The following MPZL1 variants were observed in gnomAD, a reference collection of about 807,000 sequenced individuals.
MPZL1 encodes myelin protein zero like 1.
MPZL1 carries 16 observed loss-of-function variants against 29.3 expected under a neutral mutation model. That is an observed-to-expected ratio of 0.55 (90% CI 0.37 to 0.83). The LOEUF (loss-of-function observed/expected upper bound fraction) is 0.83. MPZL1 is among the 40% of genes least tolerant of loss of function. The pLI is 0.00. For missense variants in MPZL1, 279 were observed against 332.9 expected (o/e 0.84, Z 1.26); for synonymous variants, 143 against 132.0 (o/e 1.08, Z -0.57).
chr1:167,725,155 C>T (rs1405811562), intron 1 of MPZL1, among the ~76,000 whole-genome samples: 1 of 152,216 alleles, frequency 6.6e-6, no homozygotes, highest in East Asian at 1.9e-4. Context: ...CTGTCCTTCA[C>T]ATCCAATCAG....
intron 4 of MPZL1, chr1:167,773,643 A>G (rs769309056): frequency 7.7e-5 from 21 of 272,580 alleles, no homozygotes; most frequent in Non-Finnish European, 1.4e-4. Context: ...GTGTTTCAAT[A>G]CCATCCACTA....
At chr1:167,747,425 A>C (rs113588451) in intron 1 of MPZL1, among the ~76,000 whole-genome samples, 1 of 152,212 alleles carries the variant, frequency 6.6e-6, no homozygotes, top group African/African-American at 2.4e-5. Flanking sequence ...GGGTCTCACT[A>C]TGTTGCCCAG....
At chr1:167,752,981 C>T (rs997562204) in intron 1 of MPZL1, among the ~76,000 whole-genome samples, 11 of 152,096 alleles carry the variant, frequency 7.2e-5, no homozygotes, top group South Asian at 2.1e-4. Flanking sequence ...TTCCATGGCT[C>T]AAGGAGTTGT....
rs1571124983 is a variant in MPZL1 at position 167,722,200 on chromosome 1, C to T, written c.49C>T (p.Arg17Trp). 1 of 1,238,738 alleles carries T rather than the reference C, an allele frequency of 8.1e-7. No individual in the cohort carries two copies. The highest frequency in any genetic ancestry group is 3.2e-5 in the East Asian group (1 of 31,640). 76.7% of individuals were successfully genotyped at this position (1,238,738 alleles called of 1,614,324 possible). A position where few individuals can be genotyped will look rare whatever the true frequency, so the allele number is the denominator to read the frequency against. ...AGAVIAAPDS[R>W]RWLWSVLAAA... ...GGCGGTGATTGCAGCCCCAGACAGCCGGCGCTGGCTGTGGTCGGTGCTGGC... is the reference window on the plus strand; with the variant it reads ...GGCGGTGATTGCAGCCCCAGACAGCTGGCGCTGGCTGTGGTCGGTGCTGGC... The change falls in exon 1 of 6, where the codon CGG (arginine) becomes TGG (tryptophan). Residue 17 changes from arginine to tryptophan, a missense_variant. Coordinates refer to ENST00000359523, the MANE Select transcript of MPZL1 (RefSeq NM_003953.6).
At chr1:167,764,070 G>T (rs1661055788) in intron 1 of MPZL1, among the ~76,000 whole-genome samples, 1 of 152,066 alleles carries the variant, frequency 6.6e-6, no homozygotes, top group South Asian at 2.1e-4. Flanking sequence ...TCCTTATTCT[G>T]CCCGTCTGTT....
At chr1:167,726,262 A>G (rs10918747) in intron 1 of MPZL1, among the ~76,000 whole-genome samples, 1 of 152,008 alleles carries the variant, frequency 6.6e-6, no homozygotes, top group Non-Finnish European at 1.5e-5. Flanking sequence ...TAAGTTTCAC[A>G]TCTTTAGAGA....
Position 167,765,633 on chromosome 1 carries a change from G to A in MPZL1, c.142G>A (p.Val48Met). 3.1e-6 allele frequency: 5 copies of A among 1,612,886 alleles called. No individual in the cohort carries two copies. The highest frequency in any genetic ancestry group is 2.5e-6 in the Non-Finnish European group (3 of 1,179,444). The change falls in exon 2 of 6, where the codon GTG becomes ATG. Residue 48 changes from valine (V) to methionine (M), a missense_variant. Transcript: ENST00000359523. ...LEVYTPKEIF[V>M]ANGTQGKLTC... The stretch of plus-strand genomic sequence containing the variant: ...AGTATATACGCCAAAAGAAATCTTC[G>A]TGGCAAATGGTACACAAGGGAAGCT...
intron 1 of MPZL1, among the ~76,000 whole-genome samples, chr1:167,745,469 A>G (rs1268021839): frequency 6.6e-6 from 1 of 152,036 alleles, no homozygotes; most frequent in African/African-American, 2.4e-5. Flanking sequence ...AACACGGAAA[A>G]TACTTAACAT....
At chr1:167,746,885 A>C (rs1660658436) in intron 1 of MPZL1, among the ~76,000 whole-genome samples, 1 of 152,186 alleles carries the variant, frequency 6.6e-6, no homozygotes, top group Non-Finnish European at 1.5e-5. Flanking sequence ...AGAAAAAATA[A>C]GTTTGTTATT....
At chr1:167,759,724 G>A (rs996814485) in intron 1 of MPZL1, among the ~76,000 whole-genome samples, 6 of 152,158 alleles carry the variant, frequency 3.9e-5, no homozygotes, top group Admixed American at 6.5e-5. Flanking sequence ...GACACAGTTG[G>A]CCACTCTTCC....
intron 5 of MPZL1, among the ~76,000 whole-genome samples, chr1:167,780,733 A>G (rs1267732031): frequency 6.6e-6 from 1 of 152,132 alleles, no homozygotes; most frequent in Non-Finnish European, 1.5e-5. Context: ...GTTGTTGGGG[A>G]AGGAAGAATA....
At chr1:167,780,346 T>C (rs966289738) in intron 5 of MPZL1, among the ~76,000 whole-genome samples, 1 of 152,174 alleles carries the variant, frequency 6.6e-6, no homozygotes, top group African/African-American at 2.4e-5. Context: ...ATATGCTGTC[T>C]GCAATAAACC....
At chr1:167,757,620 T>C (rs1193447981) in intron 1 of MPZL1, among the ~76,000 whole-genome samples, 1 of 152,194 alleles carries the variant, frequency 6.6e-6, no homozygotes, top group Non-Finnish European at 1.5e-5. Context: ...TGTTCCTCTC[T>C]TCTAGTATGT....
intron 2 of MPZL1, 166 bp downstream of exon 2, chr1:167,765,915 A>G (rs1661106472): frequency 1.6e-5 from 8 of 507,684 alleles, no homozygotes; most frequent in African/African-American, 1.2e-4. Context: ...TAAGTTCAGC[A>G]TCTCTTAAAT....
intron 5 of MPZL1, among the ~76,000 whole-genome samples, chr1:167,785,953 C>T (rs931366485): frequency 6.6e-5 from 10 of 152,070 alleles, no homozygotes; most frequent in Non-Finnish European, 1.3e-4. Context: ...CCACCATGCC[C>T]GGCGAATTTT....
intron 1 of MPZL1, among the ~76,000 whole-genome samples, chr1:167,729,093 C>G (rs1025945688): frequency 1.1e-4 from 16 of 151,658 alleles, no homozygotes; most frequent in African/African-American, 3.9e-4. Flanking sequence ...TGATAAAACC[C>G]CCATCTTTAC....
chr1:167,748,719 A>T (rs533072549), intron 1 of MPZL1, among the ~76,000 whole-genome samples: 1 of 152,066 alleles, frequency 6.6e-6, no homozygotes, highest in African/African-American at 2.4e-5. Flanking sequence ...GCTTACTCCT[A>T]TGTTTTTTTC....
intron 1 of MPZL1, 133 bp downstream of exon 1, chr1:167,722,375 C>T: frequency 8.2e-7 from 1 of 1,221,860 alleles, no homozygotes; most frequent in Non-Finnish European, 1.0e-6. Context: ...CCTGCGCTCT[C>T]TGGGGCCGAG....
intron 1 of MPZL1, among the ~76,000 whole-genome samples, chr1:167,762,897 A>T (rs1661018713): frequency 6.6e-6 from 1 of 152,210 alleles, no homozygotes. Context: ...TTAATTTCTC[A>T]GTGTGTGGCA....
Sources: gnomAD v4.1 joint callset for allele counts (sites outside exome capture counted in the v4.1 genomes callset) on GRCh38, gnomAD v4.1.1 for gene constraint, MANE v1.5 for transcripts, NCBI Gene and HGNC (gene_info 2026-07-23, HGNC 2026-07-21) for gene names.